The following WWTR1 variants were observed in gnomAD, a reference collection of about 807,000 sequenced individuals.
The protein encoded by WWTR1 is WW domain-containing transcription regulator protein 1.
In WWTR1, 13 loss-of-function variants were observed where a neutral mutation model predicts 40.1. That is an observed-to-expected ratio of 0.32 (90% CI 0.21 to 0.52). WWTR1 has a LOEUF of 0.52. Among genes scored for constraint, WWTR1 ranks in the 20% least tolerant of loss-of-function variants. The pLI is 0.97. For synonymous variants in WWTR1, 230 were observed against 210.1 expected, an observed-to-expected ratio of 1.09 and a Z score of -0.82; for missense variants, 436 against 523.1, an observed-to-expected ratio of 0.83 and a Z score of 1.63.
intron 2 of WWTR1, among the ~76,000 whole-genome samples, chr3:149,651,280 T>G (rs1019064808): frequency 9.2e-5 from 14 of 152,128 alleles, no homozygotes; most frequent in Non-Finnish European, 1.9e-4. Context: ...TACAAACCAC[T>G]TCTTAAGAAG....
At chr3:149,602,564 G>A (rs948503394) in intron 2 of WWTR1, among the ~76,000 whole-genome samples, 9 of 152,154 alleles carry the variant, frequency 5.9e-5, no homozygotes, top group Admixed American at 3.9e-4. Context: ...GTTGATCATT[G>A]CCCTGACACA....
At chr3:149,571,318 G>C (rs188473813) in intron 3 of WWTR1, among the ~76,000 whole-genome samples, 6 of 135,898 alleles carry the variant, frequency 4.4e-5, no homozygotes, top group Non-Finnish European at 9.2e-5. Flanking sequence ...TCAGTTTTTA[G>C]AATTTTCGAT....
At chr3:149,525,348 A>G (rs1735249939) in intron 6 of WWTR1, among the ~76,000 whole-genome samples, 1 of 152,176 alleles carries the variant, frequency 6.6e-6, no homozygotes, top group Non-Finnish European at 1.5e-5. Context: ...TACAACTAAA[A>G]ACTAGAACAG....
intron 4 of WWTR1, among the ~76,000 whole-genome samples, chr3:149,718,901 G>T (rs1405223040): frequency 6.6e-6 from 1 of 150,654 alleles, no homozygotes; most frequent in Non-Finnish European, 1.5e-5. Context: ...TCTCGGTTCA[G>T]TGCAACGTCT....
intron 3 of WWTR1, among the ~76,000 whole-genome samples, chr3:149,560,168 G>C (rs566769566): frequency 6.6e-6 from 1 of 152,232 alleles, no homozygotes; most frequent in African/African-American, 2.4e-5. Flanking sequence ...GATGGAGAAG[G>C]CACCAGTGAA....
At chr3:149,526,956 A>G (rs1299625197) in intron 5 of WWTR1, among the ~76,000 whole-genome samples, 2 of 152,172 alleles carry the variant, frequency 1.3e-5, no homozygotes, top group African/African-American at 2.4e-5. Context: ...TAAATTGTGA[A>G]ATTATTTTAA....
intron 1 of WWTR1, among the ~76,000 whole-genome samples, chr3:149,671,894 T>C (rs917050296): frequency 5.9e-5 from 9 of 152,168 alleles, no homozygotes; most frequent in Non-Finnish European, 1.2e-4. Flanking sequence ...TAATAACAAA[T>C]AGGTCCAGCA....
At chr3:149,561,180 A>G (rs1440856672) in intron 3 of WWTR1, among the ~76,000 whole-genome samples, 1 of 152,240 alleles carries the variant, frequency 6.6e-6, no homozygotes, top group African/African-American at 2.4e-5. Context: ...AAATAGAATC[A>G]ACCTATATGT....
At chr3:149,591,295 T>G (rs1327115298) in intron 2 of WWTR1, among the ~76,000 whole-genome samples, 2 of 152,206 alleles carry the variant, frequency 1.3e-5, no homozygotes, top group African/African-American at 4.8e-5. Context: ...GGGGATGTGA[T>G]TCTTAAGGCC....
intron 2 of WWTR1, among the ~76,000 whole-genome samples, chr3:149,591,399 A>C (rs909661807): frequency 6.6e-6 from 1 of 152,218 alleles, no homozygotes; most frequent in African/African-American, 2.4e-5. Flanking sequence ...TAATGCTTTT[A>C]ATATCATATT....
chr3:149,709,141 A>G (rs60108450), intron 5 of WWTR1, among the ~76,000 whole-genome samples: 8,234 of 152,006 alleles, frequency 0.054, 508 homozygotes, highest in African/African-American at 0.14. Context: ...TGCCTGGATA[A>G]TTTTTGTATT....
In WWTR1 at chr3:149,633,257, C is replaced by T. The variant is rs112711574; in HGVS notation, c.431+23619G>A. Among the ~76,000 whole-genome samples the T allele has an allele frequency of 5.1e-3, 780 of 152,188 alleles. 10 individuals carry two copies. The highest frequency in any genetic ancestry group is 0.018 in the African/African-American group (744 of 41,534). The stretch of plus-strand genomic sequence containing the variant: ...AAAATAAGCCAGCCAGGCATGGTGA[C>T]GCACACCTGTAGTCCTAGCTACTTA... On this transcript the variant is annotated intron_variant, in intron 2 of 6. Transcript: ENST00000360632.
intron 1 of WWTR1, among the ~76,000 whole-genome samples, chr3:149,680,840 T>G (rs552836628): frequency 6.6e-6 from 1 of 152,170 alleles, no homozygotes; most frequent in Non-Finnish European, 1.5e-5. Flanking sequence ...AGGCCCTGTC[T>G]CTGAAATAAA....
intron 2 of WWTR1, among the ~76,000 whole-genome samples, chr3:149,645,464 T>C (rs66485407): frequency 0.11 from 17,336 of 152,248 alleles, 1,091 homozygotes; most frequent in African/African-American, 0.16. Context: ...GAGCCACTGC[T>C]CAGCCCCTAC....
chr3:149,637,520 C>T (rs974822907), intron 2 of WWTR1, among the ~76,000 whole-genome samples: 1 of 152,074 alleles, frequency 6.6e-6, no homozygotes, highest in Non-Finnish European at 1.5e-5. Flanking sequence ...CATGAGCCAC[C>T]GTGCCCGGCC....
rs540211778 is a variant in WWTR1, at chr3:149,675,951, C to T, written c.-107-6060G>A. 2.0e-4 allele frequency among the ~76,000 whole-genome samples: 30 copies of T among 152,174 alleles called. No homozygotes were observed. In the East Asian group the frequency reaches 4.9e-3, roughly 25 times the overall value. ...CGATCTCCTGACCTCGTGATCGGCC[C>T]GTCTCAGCTTCCCAAAGTGCTGGGA... On this transcript the variant is annotated intron_variant, in intron 1 of 7. Coordinates refer to the WWTR1 transcript ENST00000465804.
At chr3:149,698,197 G>A (rs953163905) in intron 1 of WWTR1, among the ~76,000 whole-genome samples, 9 of 152,178 alleles carry the variant, frequency 5.9e-5, no homozygotes, top group African/African-American at 2.2e-4. Context: ...ATCTTGAATT[G>A]TAATAATCCC....
chr3:149,565,539 G>A (rs535569762), intron 3 of WWTR1, among the ~76,000 whole-genome samples: 5 of 152,150 alleles, frequency 3.3e-5, no homozygotes, highest in African/African-American at 1.2e-4. Flanking sequence ...TTACATAAAA[G>A]GAACTCAATC....
intron 1 of WWTR1, among the ~76,000 whole-genome samples, chr3:149,678,372 T>A (rs79546162): frequency 0.043 from 6,539 of 152,238 alleles, 288 homozygotes; most frequent in East Asian, 0.13. Context: ...CAAGTCAGCC[T>A]CCCTTCATCT....
Sources: allele counts gnomAD v4.1 joint callset (sites outside exome capture counted in the v4.1 genomes callset), GRCh38; gene constraint gnomAD v4.1.1; transcripts MANE v1.5; gene names NCBI Gene and HGNC (gene_info 2026-07-23, HGNC 2026-07-21).